The following RASGEF1A variants were observed in gnomAD, a reference collection of about 807,000 sequenced individuals.
The protein encoded by RASGEF1A is ras-GEF domain-containing family member 1A.
Under a neutral mutation model 56.4 loss-of-function variants are expected in RASGEF1A, and 18 were observed. That is an observed-to-expected ratio of 0.32 (90% CI 0.22 to 0.47). The LOEUF is 0.47. Among genes scored for constraint, RASGEF1A ranks in the 20% least tolerant of loss-of-function variants. RASGEF1A has a pLI of 1.00. For missense variants in RASGEF1A, 422 were observed against 627.1 expected (o/e 0.67, Z 3.49); for synonymous variants, 245 against 242.6 (o/e 1.01, Z -0.09).
At chr10:43,201,986 G>A in intron 3 of RASGEF1A, 41 bp from the exon 4 acceptor site, 2 of 1,559,006 alleles carry the variant, frequency 1.3e-6, no homozygotes, top group South Asian at 1.2e-5. Context: ...CCACAGGGCA[G>A]AGTAGGGTAC....
chr10:43,196,193 T>C lies in RASGEF1A; in HGVS notation c.*51A>G, dbSNP rs1839793828. On this transcript the variant is annotated 3_prime_UTR_variant, in exon 13 of 13. Coordinates refer to ENST00000395810, the MANE Select transcript of RASGEF1A (RefSeq NM_145313.4). This position sits in a 1 kb window ranked among gnomAD's most constrained non-coding sequence, Gnocchi z 4.6. The stretch of plus-strand genomic sequence containing the variant: ...ATCTCAACCCACATCAGTCAAAATT[T>C]AAACCCAGTTAGTGCACGTGCTTCC... 6.3e-7 allele frequency: 1 copy of C among 1,592,596 alleles called. No homozygotes were observed. The highest frequency in any genetic ancestry group is 2.2e-5 in the East Asian group (1 of 44,524).
chr10:43,229,883 G>A (rs1318966475), intron 1 of RASGEF1A: 3 of 532,712 alleles, frequency 5.6e-6, no homozygotes, highest in Non-Finnish European at 8.7e-6. Flanking sequence ...GCGGGGCGGG[G>A]CCGAGGCTAG....
Position 43,196,082 on chromosome 10 carries a change from T to G in RASGEF1A, c.*162A>C. 1 of 641,832 alleles carries G rather than the reference T, an allele frequency of 1.6e-6. No individual in the cohort carries two copies. The highest frequency in any genetic ancestry group is 2.6e-5 in the South Asian group (1 of 38,870). 39.8% of individuals were successfully genotyped at this position (641,832 alleles called of 1,614,324 possible). A position where few individuals can be genotyped will look rare whatever the true frequency, so the allele number is the denominator to read the frequency against. The stretch of plus-strand genomic sequence containing the variant: ...AAATAAACAAAAAAAACTTTGTAAG[T>G]GCCAAAGGTTGATGCGTGAAATAAT... On this transcript the variant is annotated 3_prime_UTR_variant, in exon 13 of 13. Transcript: ENST00000395810. The surrounding 1 kb of genome is among the most constrained non-coding windows in gnomAD (Gnocchi z 4.6).
chr10:43,247,243 T>A (rs1840575345), intron 1 of RASGEF1A, among the ~76,000 whole-genome samples: 2 of 152,174 alleles, frequency 1.3e-5, no homozygotes, highest in Admixed American at 1.3e-4. Context: ...GTGGATATAA[T>A]AGAAAAGACA....
chr10:43,266,531 C>A (rs1286030119), intron 1 of RASGEF1A, among the ~76,000 whole-genome samples: 1 of 151,168 alleles, frequency 6.6e-6, no homozygotes, highest in Non-Finnish European at 1.5e-5. Context: ...CCGCCGCGTG[C>A]GCTCCTGCCA....
chr10:43,263,334 C>CGTGGGTGGGA (rs1836569284), intron 1 of RASGEF1A, among the ~76,000 whole-genome samples: 2 of 151,972 alleles, frequency 1.3e-5, no homozygotes, highest in African/African-American at 4.8e-5. Context: ...TGCAGATTGG[C>CGTGGGTGGGA]GTGGGTGGGA....
At chr10:43,219,374 C>T (rs561224363) in intron 1 of RASGEF1A, among the ~76,000 whole-genome samples, 41 of 152,234 alleles carry the variant, frequency 2.7e-4, no homozygotes, top group African/African-American at 8.9e-4. Context: ...TAGGGTGCCA[C>T]GGAGGAGGGG....
intron 1 of RASGEF1A, among the ~76,000 whole-genome samples, chr10:43,218,938 C>T (rs151007547): frequency 4.5e-4 from 69 of 152,396 alleles, no homozygotes; most frequent in African/African-American, 1.2e-3. Flanking sequence ...CTCCTCTTCA[C>T]GCTCCTCAGA....
intron 6 of RASGEF1A, 113 bp from the exon 7 acceptor site, chr10:43,199,881 C>T: frequency 3.3e-6 from 3 of 909,718 alleles, no homozygotes; most frequent in Non-Finnish European, 5.2e-6. Flanking sequence ...GCAGCAGCCT[C>T]AATCATGCCT....
chr10:43,239,402 C>A (rs536017621), intron 1 of RASGEF1A, among the ~76,000 whole-genome samples: 1 of 152,034 alleles, frequency 6.6e-6, no homozygotes, highest in Admixed American at 6.6e-5. Flanking sequence ...GGAGTAAGGA[C>A]CTCCAAAAAC....
At chr10:43,232,430 T>A (rs1564538197) in intron 1 of RASGEF1A, among the ~76,000 whole-genome samples, 1 of 151,702 alleles carries the variant, frequency 6.6e-6, no homozygotes, top group East Asian at 1.9e-4. Context: ...CTGTAAAGTT[T>A]GCAGAGCCAT....
At chr10:43,231,757 G>C (rs1564538018) in intron 1 of RASGEF1A, among the ~76,000 whole-genome samples, 1 of 152,278 alleles carries the variant, frequency 6.6e-6, no homozygotes. Flanking sequence ...CGAGGAGGCT[G>C]CTATGCTGGG....
chr10:43,205,244 A>G (rs1241665944), intron 2 of RASGEF1A, among the ~76,000 whole-genome samples: 1 of 152,176 alleles, frequency 6.6e-6, no homozygotes, highest in African/African-American at 2.4e-5. Flanking sequence ...TGCTCAGCTC[A>G]CAAGAGGGAG....
intron 1 of RASGEF1A, among the ~76,000 whole-genome samples, chr10:43,248,787 G>A (rs2133223172): frequency 6.6e-6 from 1 of 152,250 alleles, no homozygotes; most frequent in East Asian, 1.9e-4. Flanking sequence ...TGTATCTTGA[G>A]GGCTTAGGGT....
At chr10:43,255,237 G>A (rs1401055674) in intron 1 of RASGEF1A, among the ~76,000 whole-genome samples, 3 of 152,118 alleles carry the variant, frequency 2.0e-5, no homozygotes, top group South Asian at 2.1e-4. Context: ...AGGCCCCAGC[G>A]CCCTCCAGGC....
intron 1 of RASGEF1A, among the ~76,000 whole-genome samples, chr10:43,215,092 G>C (rs898117182): frequency 1.3e-5 from 2 of 152,184 alleles, no homozygotes; most frequent in Admixed American, 1.3e-4. Flanking sequence ...ACATTCCCAC[G>C]ACCTGCAGAT....
intron 1 of RASGEF1A, among the ~76,000 whole-genome samples, chr10:43,231,645 C>G (rs902596304): frequency 6.6e-6 from 1 of 152,288 alleles, no homozygotes; most frequent in Non-Finnish European, 1.5e-5. Flanking sequence ...GCCCTTGCCC[C>G]CATCTCTGGC....
At position 43,206,065 on chromosome 10, in the gene RASGEF1A, C is replaced by A; in HGVS notation, c.52G>T (p.Gly18Ter). 1 of 1,606,188 alleles carries A rather than the reference C, an allele frequency of 6.2e-7. No homozygotes were observed. Among genetic ancestry groups the A allele is most frequent in the Non-Finnish European group, 8.5e-7 (1 of 1,176,848 alleles). Residue 18 changes from glycine to a stop codon, truncating the protein, a stop_gained, in exon 2 of 13, where the codon GGA (glycine) becomes TGA (stop). Transcript: ENST00000395810. LOFTEE classifies it high-confidence loss of function. ...TCCCCCATGCCAGGCTGCACCTGTC[C>A]GCTACAGCTGGGCCCAAGGATGCTG... ...FSSILGPSCS[G>*]QVQPGMGERG...
At position 43,209,207 on chromosome 10, in the gene RASGEF1A, A is replaced by G. The variant is rs556344521; in HGVS notation, c.-6-3085T>C. The G allele has an allele frequency of 2.5e-5, 25 of 985,426 alleles. No individual in the cohort carries two copies. The East Asian group carries it at 1.2e-3, about 49-fold the overall frequency. The allele number at this position is 985,426 out of a possible 1,614,324, so 61.0% of individuals were successfully genotyped here. On this transcript the variant is annotated intron_variant, in intron 1 of 12. Coordinates refer to ENST00000395810, the MANE Select transcript of RASGEF1A (RefSeq NM_145313.4). ...TGATACACCGATGGCCAGGGTGCTG[A>G]ACACTGAAAACCGCAAGGCTACAGT...
Sources: allele counts gnomAD v4.1 joint callset (sites outside exome capture counted in the v4.1 genomes callset), GRCh38; gene constraint gnomAD v4.1.1; non-coding constraint Gnocchi (gnomAD v3.1); transcripts MANE v1.5; gene names NCBI Gene and HGNC (gene_info 2026-07-23, HGNC 2026-07-21).